Variants in ULK4 observed in about 807,000 individuals in gnomAD.
The protein encoded by ULK4 is unc-51 like kinase 4, also known as inactive serine/threonine-protein kinase ULK4.
A neutral mutation model predicts 160.6 loss-of-function variants in ULK4; 133 were observed. The ratio of observed to expected loss-of-function variants is 0.83; its 90% confidence interval spans 0.72 to 0.96. The LOEUF (loss-of-function observed/expected upper bound fraction) is 0.96, where lower values mean the gene tolerates loss of function less well. Among genes scored for constraint, ULK4 ranks in the 40% least tolerant of loss-of-function variants. ULK4 has a pLI of 0.00. For missense variants in ULK4, 1,580 were observed against 1,499.5 expected (o/e 1.05, Z -0.89); for synonymous variants, 534 against 539.8 (o/e 0.99, Z 0.15).
In ULK4 at chr3:41,548,464, G is replaced by A. The variant is rs182066693; in HGVS notation, c.3226+17561C>T. Reference sequence around the variant, plus strand: ...TAGCCTACCTGCCACCAGCACCCAAGCACACTGTGTCAGGACCTGGTGATT... The same window carrying A: ...TAGCCTACCTGCCACCAGCACCCAAACACACTGTGTCAGGACCTGGTGATT... On this transcript the variant is annotated intron_variant, in intron 32 of 36. Coordinates refer to ENST00000301831, the MANE Select transcript of ULK4 (RefSeq NM_017886.4). 2.4e-3 allele frequency among the ~76,000 whole-genome samples: 365 copies of A among 152,106 alleles called. 2 individuals carry two copies. Among genetic ancestry groups the A allele is most frequent in the African/African-American group, 8.1e-3 (337 of 41,492 alleles).
At chr3:41,686,643 T>C (rs905506956) in intron 27 of ULK4, among the ~76,000 whole-genome samples, 3 of 152,046 alleles carry the variant, frequency 2.0e-5, no homozygotes, top group Non-Finnish European at 2.9e-5. Context: ...CAAGATGACA[T>C]AGGAAAAGTT....
intron 18 of ULK4, among the ~76,000 whole-genome samples, chr3:41,835,317 A>G (rs1014048422): frequency 1.3e-5 from 2 of 152,236 alleles, no homozygotes; most frequent in African/African-American, 4.8e-5. Context: ...TTCATAACTT[A>G]TCACTATCTA....
chr3:41,757,457 C>G (rs1156417535), intron 21 of ULK4, among the ~76,000 whole-genome samples: 1 of 151,564 alleles, frequency 6.6e-6, no homozygotes, highest in Admixed American at 6.6e-5. Flanking sequence ...ACAGTGAAAC[C>G]CCGTCTCTAC....
At chr3:41,873,238 T>TTTATTTTTTTA (rs1553679685) in intron 17 of ULK4, among the ~76,000 whole-genome samples, 11 of 148,842 alleles carry the variant, frequency 7.4e-5, no homozygotes, top group African/African-American at 2.8e-4. Flanking sequence ...TTTTTTTTTT[T>TTTATTTTTTTA]TTTTTGAAAA....
intron 35 of ULK4, among the ~76,000 whole-genome samples, chr3:41,318,021 A>G (rs973496317): frequency 2.6e-5 from 4 of 152,174 alleles, no homozygotes; most frequent in East Asian, 1.9e-4. Context: ...ACTAATCGCT[A>G]TATCTACCAC....
At chr3:41,317,227 C>T (rs1302020891) in intron 35 of ULK4, among the ~76,000 whole-genome samples, 1 of 151,698 alleles carries the variant, frequency 6.6e-6, no homozygotes, top group Non-Finnish European at 1.5e-5. Context: ...AGGCGCCCGC[C>T]ACGGCGCCCG....
chr3:41,631,732 A>G (rs1289858221), intron 30 of ULK4, among the ~76,000 whole-genome samples: 2 of 151,936 alleles, frequency 1.3e-5, no homozygotes, highest in Admixed American at 6.6e-5. Flanking sequence ...GACCACAGAG[A>G]GTACAAAAGG....
chr3:41,575,371 G>A (rs1047856059), intron 31 of ULK4, among the ~76,000 whole-genome samples: 1 of 152,174 alleles, frequency 6.6e-6, no homozygotes, highest in Non-Finnish European at 1.5e-5. Flanking sequence ...CTGCCAACGT[G>A]GTCGGGGCTT....
At chr3:41,636,755 C>A (rs533848315) in intron 30 of ULK4, among the ~76,000 whole-genome samples, 1 of 151,684 alleles carries the variant, frequency 6.6e-6, no homozygotes, top group Non-Finnish European at 1.5e-5. Flanking sequence ...ATCCCTCCCC[C>A]GTCCCCCCAC....
chr3:41,484,422 C>G (rs375338153), intron 32 of ULK4, among the ~76,000 whole-genome samples: 2 of 151,468 alleles, frequency 1.3e-5, no homozygotes, highest in South Asian at 2.1e-4. Flanking sequence ...GGTCTCAGCA[C>G]TACCACACCT....
chr3:41,681,801 C>T lies in ULK4; in HGVS notation c.2785G>A (p.Val929Ile). The T allele has an allele frequency of 6.2e-7, 1 of 1,613,948 alleles. No individual in the cohort carries two copies. Among genetic ancestry groups the T allele is most frequent in the East Asian group, 2.2e-5 (1 of 44,874 alleles). Residue 929 changes from valine (V) to isoleucine (I), a missense_variant, in exon 28 of 37, where the codon GTT becomes ATT. Transcript: ENST00000301831. ...ILLKDYRSTV[V>I]DYILPPLVSL... is the part of the protein sequence containing the mutation. ...ACCAAGGGTGGCAGTATATAGTCAA[C>T]AACCTAAAAGAAAGCATGTAAAAGA...
intron 22 of ULK4, among the ~76,000 whole-genome samples, chr3:41,747,518 T>A (rs1337159410): frequency 6.6e-6 from 1 of 152,056 alleles, no homozygotes; most frequent in Non-Finnish European, 1.5e-5. Flanking sequence ...AAAACTTGAA[T>A]ACTAGCTTCT....
intron 22 of ULK4, among the ~76,000 whole-genome samples, chr3:41,738,531 T>C (rs2038131612): frequency 6.6e-6 from 1 of 151,942 alleles, no homozygotes; most frequent in Admixed American, 6.6e-5. Flanking sequence ...TTGATGACAT[T>C]AAGCTGGTTG....
chr3:41,918,848 G>A (rs561872066), intron 6 of ULK4, among the ~76,000 whole-genome samples: 39 of 152,114 alleles, frequency 2.6e-4, no homozygotes, highest in Admixed American at 3.3e-4. Context: ...TGATCCGCCC[G>A]CCTCGATCTC....
intron 17 of ULK4, among the ~76,000 whole-genome samples, chr3:41,842,893 T>C (rs529789443): frequency 1.6e-4 from 25 of 152,332 alleles, no homozygotes; most frequent in African/African-American, 5.3e-4. Flanking sequence ...CAAGAGATTT[T>C]TGACAAAGGT....
chr3:41,631,714 A>C lies in ULK4; in HGVS notation c.3072-15997T>G, dbSNP rs542475816. 8.6e-5 allele frequency among the ~76,000 whole-genome samples: 13 copies of C among 151,990 alleles called. No homozygotes were observed. In the South Asian group the frequency reaches 2.5e-3, roughly 29 times the overall value. ...CCTGTTGAACAAAATAAGGCCATGG[A>C]GTGTTTCGACCACAGAGAGTACAAA... On this transcript the variant is annotated intron_variant, in intron 30 of 36. Coordinates refer to ENST00000301831, the MANE Select transcript of ULK4 (RefSeq NM_017886.4).
chr3:41,666,541 TTGTC>T (rs1358182636), intron 29 of ULK4, among the ~76,000 whole-genome samples: 2 of 152,172 alleles, frequency 1.3e-5, no homozygotes, highest in Non-Finnish European at 2.9e-5. Context: ...TATTTGGAAA[TTGTC>T]TGGCCAGACA....
At chr3:41,456,878 T>G (rs887455521) in intron 33 of ULK4, among the ~76,000 whole-genome samples, 12 of 152,208 alleles carry the variant, frequency 7.9e-5, no homozygotes, top group African/African-American at 2.9e-4. Context: ...AGAATTTCAG[T>G]TGCCTGTTTT....
intron 31 of ULK4, among the ~76,000 whole-genome samples, chr3:41,614,979 G>A (rs566239800): frequency 6.6e-6 from 1 of 152,186 alleles, no homozygotes; most frequent in South Asian, 2.1e-4. Context: ...ACATACCCAG[G>A]CACAAGAGAA....
Sources: gnomAD v4.1 joint callset for allele counts (sites outside exome capture counted in the v4.1 genomes callset) on GRCh38, gnomAD v4.1.1 for gene constraint, MANE v1.5 for transcripts, NCBI Gene and HGNC (gene_info 2026-07-23, HGNC 2026-07-21) for gene names.